PCDH15: variants seen among roughly 807,000 people sequenced by gnomAD.
PCDH15 encodes the protein protocadherin related 15, also known as protocadherin-15.
In PCDH15, 129 loss-of-function variants were observed where a neutral mutation model predicts 178.5. That is an observed-to-expected ratio of 0.72 (90% CI 0.63 to 0.84). PCDH15 has a LOEUF of 0.84. Ranked by LOEUF, PCDH15 falls within the 40% of genes least tolerant of loss-of-function variation. The probability of loss-of-function intolerance (pLI) is 0.00; values close to 1 mark genes in which losing one functional copy is unlikely to be tolerated. For missense variants in PCDH15, 2,230 were observed against 2,099.9 expected (o/e 1.06, Z -1.21); for synonymous variants, 800 against 732.0 (o/e 1.09, Z -1.50).
chr10:54,438,705 T>G (rs796970678), intron 3 of PCDH15, among the ~76,000 whole-genome samples: 1 of 152,088 alleles, frequency 6.6e-6, no homozygotes, highest in African/African-American at 2.4e-5. Flanking sequence ...TATGGTTCCA[T>G]TGCAGGATGG....
chr10:54,191,397 C>A (rs72797093), intron 11 of PCDH15, among the ~76,000 whole-genome samples: 28,686 of 152,012 alleles, frequency 0.19, 3,098 homozygotes, highest in Non-Finnish European at 0.23. Flanking sequence ...CCAAGCCAGC[C>A]TGTGCAACAG....
intron 2 of PCDH15, among the ~76,000 whole-genome samples, chr10:55,398,857 A>G (rs1837992168): frequency 6.6e-6 from 1 of 152,178 alleles, no homozygotes; most frequent in Admixed American, 6.5e-5. Flanking sequence ...CTCAAATAAT[A>G]AAATAATAGA....
intron 2 of PCDH15, among the ~76,000 whole-genome samples, chr10:55,075,058 T>G (rs181533329): frequency 1.3e-5 from 2 of 152,262 alleles, no homozygotes; most frequent in African/African-American, 2.4e-5. Flanking sequence ...TTCTCTATTC[T>G]GTTCCATTGG....
At chr10:54,105,391 T>C (rs2094900536) in intron 15 of PCDH15, among the ~76,000 whole-genome samples, 1 of 149,684 alleles carries the variant, frequency 6.7e-6, no homozygotes, top group African/African-American at 2.5e-5. Flanking sequence ...TAGGAGTTTA[T>C]TAAGTAGTAT....
intron 1 of PCDH15, among the ~76,000 whole-genome samples, chr10:54,759,083 T>G (rs1428180127): frequency 6.6e-6 from 1 of 151,940 alleles, no homozygotes; most frequent in African/African-American, 2.4e-5. Flanking sequence ...TCCCCCTCCA[T>G]CTTACTACTT....
At chr10:55,456,455 G>A (rs1403555107) in intron 2 of PCDH15, among the ~76,000 whole-genome samples, 5 of 151,838 alleles carry the variant, frequency 3.3e-5, no homozygotes, top group East Asian at 1.9e-4. Context: ...TGTGTTAAAC[G>A]TCTCATAAAT....
chr10:54,660,406 T>C (rs573118091), intron 2 of PCDH15, among the ~76,000 whole-genome samples: 27 of 151,918 alleles, frequency 1.8e-4, no homozygotes, highest in Non-Finnish European at 3.7e-4. Context: ...CCAGCCAAGA[T>C]TGAACCAGGA....
In PCDH15 at chr10:54,103,913, T is replaced by C. The variant is rs183200383; in HGVS notation, c.1918-13850A>G. 1.2e-3 allele frequency among the ~76,000 whole-genome samples: 185 copies of C among 152,000 alleles called. 1 individual carries two copies. The Middle Eastern group carries it at 0.027, about 22-fold the overall frequency. ...CCTGTTCTCCAGATTTCTGCTTATA[T>C]AAATTAAAAAAACATAACAAAACAA... On this transcript the variant is annotated intron_variant, in intron 15 of 37. Transcript: ENST00000644397.
intron 15 of PCDH15, among the ~76,000 whole-genome samples, chr10:54,117,093 C>G (rs1346036153): frequency 2.0e-5 from 3 of 152,158 alleles, no homozygotes; most frequent in Non-Finnish European, 2.9e-5. Flanking sequence ...CTTGTTCCAC[C>G]TATGCAGCCT....
At chr10:54,283,144 A>G (rs1411591073) in intron 8 of PCDH15, among the ~76,000 whole-genome samples, 1 of 152,134 alleles carries the variant, frequency 6.6e-6, no homozygotes, top group Non-Finnish European at 1.5e-5. Context: ...ATATTTATGC[A>G]GTGTTTTAGA....
chr10:54,405,464 A>G (rs1303157500), intron 3 of PCDH15, among the ~76,000 whole-genome samples: 1 of 152,034 alleles, frequency 6.6e-6, no homozygotes, highest in Non-Finnish European at 1.5e-5. Flanking sequence ...GTTCTCACTT[A>G]TAAGTGGGAT....
chr10:54,105,827 A>C (rs2094908282), intron 15 of PCDH15, among the ~76,000 whole-genome samples: 1 of 152,206 alleles, frequency 6.6e-6, no homozygotes, highest in African/African-American at 2.4e-5. Context: ...TTCACACACA[A>C]AAATATATGT....
At chr10:55,152,291 A>G (rs2132102619) in intron 2 of PCDH15, among the ~76,000 whole-genome samples, 1 of 152,286 alleles carries the variant, frequency 6.6e-6, no homozygotes, top group Admixed American at 6.5e-5. Context: ...GTGGATAAAT[A>G]CAGTCAAAAT....
chr10:54,146,109 T>G (rs569467641), intron 14 of PCDH15, among the ~76,000 whole-genome samples: 1 of 151,702 alleles, frequency 6.6e-6, no homozygotes, highest in Admixed American at 6.6e-5. Flanking sequence ...AGACAATTTT[T>G]ATAAAAATAA....
chr10:54,124,426 A>G (rs756961344), intron 15 of PCDH15, among the ~76,000 whole-genome samples: 36 of 152,108 alleles, frequency 2.4e-4, no homozygotes, highest in Non-Finnish European at 5.1e-4. Context: ...GATGTTGCAC[A>G]AAAATGTGAA....
At chr10:54,054,472 C>T (rs924339841) in intron 18 of PCDH15, among the ~76,000 whole-genome samples, 1 of 152,054 alleles carries the variant, frequency 6.6e-6, no homozygotes, top group African/African-American at 2.4e-5. Flanking sequence ...ATAAAGATAA[C>T]ATTTAAAAGC....
chr10:53,860,042 C>T (rs956422836), intron 27 of PCDH15, among the ~76,000 whole-genome samples: 1 of 152,122 alleles, frequency 6.6e-6, no homozygotes, highest in Non-Finnish European at 1.5e-5. Context: ...ATAGGAATTT[C>T]TAGTGGATAT....
chr10:54,517,594 T>C (rs1589836194), intron 3 of PCDH15, among the ~76,000 whole-genome samples: 1 of 152,022 alleles, frequency 6.6e-6, no homozygotes, highest in Admixed American at 6.6e-5. Flanking sequence ...AGACTTAGAC[T>C]CCCACACAAT....
At chr10:54,362,750 A>T (rs1946238082) in intron 5 of PCDH15, among the ~76,000 whole-genome samples, 1 of 151,840 alleles carries the variant, frequency 6.6e-6, no homozygotes, top group Non-Finnish European at 1.5e-5. Context: ...TTTCCGGGAC[A>T]TGAAAAGTAG....
Sources: gnomAD v4.1 joint callset for allele counts (sites outside exome capture counted in the v4.1 genomes callset) on GRCh38, gnomAD v4.1.1 for gene constraint, MANE v1.5 for transcripts, NCBI Gene and HGNC (gene_info 2026-07-23, HGNC 2026-07-21) for gene names.